AGBL1: variants seen among roughly 807,000 people sequenced by gnomAD.
AGBL1 encodes the protein AGBL carboxypeptidase 1, also known as cytosolic carboxypeptidase 4.
In AGBL1, 130 loss-of-function variants were observed where a neutral mutation model predicts 118.9. The observed-to-expected ratio is 1.09, with a 90% CI of 0.95 to 1.26. AGBL1 has a LOEUF of 1.26. AGBL1 is among the 50% of genes most tolerant of loss of function. The pLI is 0.00. For missense variants in AGBL1, 1,584 were observed against 1,298.1 expected (o/e 1.22, Z -3.38); for synonymous variants, 555 against 478.9 (o/e 1.16, Z -2.08).
At chr15:86,117,918 T>C (rs78666090) in intron 1 of AGBL1, among the ~76,000 whole-genome samples, 1,946 of 152,330 alleles carry the variant, frequency 0.013, 21 homozygotes, top group East Asian at 0.05. Context: ...GTAACTCCAT[T>C]AGTGAGCTTC....
chr15:86,730,056 G>C (rs2077507233), intron 22 of AGBL1, among the ~76,000 whole-genome samples: 2 of 152,238 alleles, frequency 1.3e-5, no homozygotes, highest in Middle Eastern at 6.8e-3. Flanking sequence ...TTTGTTGGCT[G>C]CATGTATGTC....
At chr15:86,411,554 C>T (rs1596081796) in intron 18 of AGBL1, among the ~76,000 whole-genome samples, 2 of 152,196 alleles carry the variant, frequency 1.3e-5, no homozygotes, top group East Asian at 3.9e-4. Context: ...GCCACATAGC[C>T]CTTTTGAATT....
At chr15:86,180,202 T>C (rs2077533783) in intron 5 of AGBL1, among the ~76,000 whole-genome samples, 1 of 151,994 alleles carries the variant, frequency 6.6e-6, no homozygotes, top group African/African-American at 2.4e-5. Context: ...ACATTGATTA[T>C]AAAATTCATA....
chr15:86,537,471 C>CAGAT (rs2083441922), intron 19 of AGBL1, among the ~76,000 whole-genome samples: 1 of 152,198 alleles, frequency 6.6e-6, no homozygotes, highest in African/African-American at 2.4e-5. Context: ...GGAAAGGGAA[C>CAGAT]AGATTTAACT....
chr15:86,260,585 G>A (rs558120891), intron 9 of AGBL1, among the ~76,000 whole-genome samples: 5 of 152,018 alleles, frequency 3.3e-5, no homozygotes, highest in South Asian at 2.1e-4. Flanking sequence ...GGTATGATCC[G>A]TATGCAACAT....
At chr15:86,723,170 T>C (rs1478734522) in intron 22 of AGBL1, among the ~76,000 whole-genome samples, 1 of 152,194 alleles carries the variant, frequency 6.6e-6, no homozygotes, top group African/African-American at 2.4e-5. Flanking sequence ...GTCCAAAGGA[T>C]TATAAATCAT....
intron 21 of AGBL1, among the ~76,000 whole-genome samples, chr15:86,662,358 A>C (rs2142519130): frequency 6.6e-6 from 1 of 152,364 alleles, no homozygotes; most frequent in Non-Finnish European, 1.5e-5. Flanking sequence ...TTATAGAAGC[A>C]CTTAAGCAGT....
At position 86,264,268 on chromosome 15, in the gene AGBL1, C is replaced by G. The variant is rs201103821; in HGVS notation, c.1097C>G (p.Ser366Cys). ...ATTTTGAACCTGAAGGAACTGCAGT[C>G]CAAACTTGGAGATGATTTGAACTCT... ...ELSYSFEELQSKLGDDLNSEK... is the reference protein window; with the variant it reads ...ELSYSFEELQCKLGDDLNSEK... Residue 366 changes from serine to cysteine, a missense_variant, in exon 11 of 23, where the codon TCC becomes TGC. Ser to Cys is a moderately radical substitution (Grantham distance 112, BLOSUM62 -1). Coordinates refer to ENST00000614907, the MANE Select transcript of AGBL1 (RefSeq NM_001386094.1). The G allele has an allele frequency of 3.1e-6, 5 of 1,594,840 alleles. No individual in the cohort carries two copies. The highest frequency in any genetic ancestry group is 4.3e-6 in the Non-Finnish European group (5 of 1,170,708).
chr15:87,005,502 T>C (rs1341053028), intron 24 of AGBL1, among the ~76,000 whole-genome samples: 1 of 152,242 alleles, frequency 6.6e-6, no homozygotes, highest in Non-Finnish European at 1.5e-5. Context: ...ACCTTGTGCA[T>C]TCGTCACATA....
intron 18 of AGBL1, among the ~76,000 whole-genome samples, chr15:86,510,864 A>G (rs969478880): frequency 1.3e-5 from 2 of 152,122 alleles, no homozygotes; most frequent in African/African-American, 4.8e-5. Flanking sequence ...ACTTTCATTT[A>G]TTCCTCAGAT....
At chr15:86,481,342 T>C (rs868050386) in intron 18 of AGBL1, among the ~76,000 whole-genome samples, 1 of 152,048 alleles carries the variant, frequency 6.6e-6, no homozygotes, top group African/African-American at 2.4e-5. Flanking sequence ...TTGTTCTGGA[T>C]CACACAAAGG....
intron 21 of AGBL1, among the ~76,000 whole-genome samples, chr15:86,602,971 ATGT>A (rs1402606588): frequency 2.0e-5 from 3 of 152,126 alleles, no homozygotes; most frequent in African/African-American, 7.2e-5. Flanking sequence ...GGCTGCTGAC[ATGT>A]TGTTGGGTGT....
chr15:86,870,594 A>G (rs2079712958), intron 22 of AGBL1, among the ~76,000 whole-genome samples: 1 of 152,028 alleles, frequency 6.6e-6, no homozygotes, highest in South Asian at 2.1e-4. Flanking sequence ...TTACATGAGC[A>G]GAAATATTCC....
intron 6 of AGBL1, among the ~76,000 whole-genome samples, chr15:86,242,451 A>C (rs887111505): frequency 6.6e-6 from 1 of 152,222 alleles, no homozygotes; most frequent in South Asian, 2.1e-4. Flanking sequence ...ATAAAGACTG[A>C]GTGATAGAGC....
rs139774296 is a variant in AGBL1 at position 86,505,134 on chromosome 15, T to C, written c.2556-17676T>C. On this transcript the variant is annotated intron_variant, in intron 18 of 22. Coordinates refer to ENST00000614907, the MANE Select transcript of AGBL1 (RefSeq NM_001386094.1). Reference sequence around the variant, plus strand: ...AAAAAAAAATTAGTTATTAATTTCATTGTAGGTTTCTTGTATAGCATTAGT... The same window carrying C: ...AAAAAAAAATTAGTTATTAATTTCACTGTAGGTTTCTTGTATAGCATTAGT... 1.6e-4 allele frequency among the ~76,000 whole-genome samples: 24 copies of C among 151,966 alleles called. 1 individual carries two copies. The highest frequency in any genetic ancestry group is 5.8e-4 in the African/African-American group (24 of 41,530).
At position 86,670,794 on chromosome 15, in the gene AGBL1, C is replaced by G. The variant is rs142447227; in HGVS notation, c.2995-3479C>G. Among the ~76,000 whole-genome samples, 1,014 of 151,536 alleles carry G rather than the reference C, an allele frequency of 6.7e-3. 8 individuals are homozygous for G. The highest frequency in any genetic ancestry group is 0.021 in the East Asian group (107 of 5,124). On this transcript the variant is annotated intron_variant, in intron 21 of 22. Coordinates refer to ENST00000614907, the MANE Select transcript of AGBL1 (RefSeq NM_001386094.1). ...TTCCCACATTTCCTTATTTTTTTCT[C>G]TTTTGCTCACCAATTATCAGTACTT...
intron 21 of AGBL1, among the ~76,000 whole-genome samples, chr15:86,555,309 T>C (rs1334518534): frequency 6.6e-6 from 1 of 152,146 alleles, no homozygotes; most frequent in Admixed American, 6.6e-5. Flanking sequence ...ACCCTAAGAA[T>C]ACCTGGACCT....
intron 19 of AGBL1, among the ~76,000 whole-genome samples, chr15:86,524,116 T>G (rs776042392): frequency 6.6e-6 from 1 of 152,242 alleles, no homozygotes; most frequent in Non-Finnish European, 1.5e-5. Context: ...ATGTAGAATC[T>G]TATTTAAATC....
intron 17 of AGBL1, chr15:86,304,817 A>C (rs946525662): frequency 6.6e-6 from 1 of 152,216 alleles, no homozygotes; most frequent in African/African-American, 2.4e-5. Flanking sequence ...CTCGAAAAGG[A>C]CTTTTGCCAT....
Sources: allele counts gnomAD v4.1 joint callset (sites outside exome capture counted in the v4.1 genomes callset), GRCh38; gene constraint gnomAD v4.1.1; transcripts MANE v1.5; gene names NCBI Gene and HGNC (gene_info 2026-07-23, HGNC 2026-07-21).